The following CRTC3 variants were observed in gnomAD, a reference collection of about 807,000 sequenced individuals.
CRTC3 encodes the protein CREB-regulated transcription coactivator 3.
CRTC3 carries 26 observed loss-of-function variants against 74.5 expected under a neutral mutation model. The ratio of observed to expected loss-of-function variants is 0.35; its 90% confidence interval spans 0.26 to 0.48. CRTC3 has a LOEUF of 0.48. Among genes scored for constraint, CRTC3 ranks in the 20% least tolerant of loss-of-function variants. CRTC3 has a pLI of 0.99. For missense variants in CRTC3, 760 were observed against 787.3 expected (o/e 0.97, Z 0.41); for synonymous variants, 377 against 325.8 (o/e 1.16, Z -1.69).
At chr15:90,570,195 T>A (rs1020267673) in intron 2 of CRTC3, among the ~76,000 whole-genome samples, 7 of 152,180 alleles carry the variant, frequency 4.6e-5, no homozygotes, top group Non-Finnish European at 7.3e-5. Context: ...ACTACTTTTT[T>A]AAAAATGTGG....
At chr15:90,607,334 A>C (rs745401066) in intron 5 of CRTC3, 44 bp from the exon 6 acceptor site, 1 of 1,183,552 alleles carries the variant, frequency 8.4e-7, no homozygotes, top group African/African-American at 1.5e-5. Context: ...CATTTTCACT[A>C]AGGAAAACGG....
At chr15:90,634,466 T>C (rs1241573069) in intron 11 of CRTC3, among the ~76,000 whole-genome samples, 2 of 152,260 alleles carry the variant, frequency 1.3e-5, no homozygotes, top group Admixed American at 6.5e-5. Context: ...TATTTTAATA[T>C]GTATCTCTAA....
chr15:90,570,241 C>G (rs913707588), intron 2 of CRTC3, among the ~76,000 whole-genome samples: 13 of 152,122 alleles, frequency 8.5e-5, no homozygotes, highest in African/African-American at 2.9e-4. Flanking sequence ...AAAACAGAGA[C>G]TCTACTTCTG....
At chr15:90,607,106 C>G (rs1336605114) in intron 5 of CRTC3, among the ~76,000 whole-genome samples, 1 of 152,144 alleles carries the variant, frequency 6.6e-6, no homozygotes, top group African/African-American at 2.4e-5. Context: ...GCCATGAATC[C>G]GAGGCCCACC....
chr15:90,561,178 C>A (rs1324040876), intron 2 of CRTC3, among the ~76,000 whole-genome samples: 3 of 152,138 alleles, frequency 2.0e-5, no homozygotes, highest in African/African-American at 7.2e-5. Context: ...GCATGTAAAT[C>A]CTTAGAATAA....
chr15:90,615,984 C>T (rs1267304312), intron 7 of CRTC3, among the ~76,000 whole-genome samples: 5 of 151,836 alleles, frequency 3.3e-5, no homozygotes, highest in Admixed American at 6.6e-5. Context: ...CTCAGCCTCC[C>T]GAGTAGCTGG....
At chr15:90,587,572 CAT>C (rs761796852) in intron 2 of CRTC3, among the ~76,000 whole-genome samples, 1 of 152,126 alleles carries the variant, frequency 6.6e-6, no homozygotes, top group Admixed American at 6.5e-5. Context: ...CCTTAAAACA[CAT>C]AGAGTCCTAT....
At chr15:90,627,785 C>CTAATTGTTTTTG (rs377289979) in intron 10 of CRTC3, among the ~76,000 whole-genome samples, 23 of 147,816 alleles carry the variant, frequency 1.6e-4, no homozygotes, top group African/African-American at 1.5e-4. Context: ...CCACGCCCGG[C>CTAATTGTTTTTG]TAATTTTTTT....
Position 90,629,644 on chromosome 15 carries a change from C to T in CRTC3, c.1266+112C>T, listed in dbSNP as rs1596142007. Reference sequence around the variant, plus strand: ...TACACTCATTATTACACCAAGCACCCATGAGGTCTCAAGTGCAGTCTGTTC... The same window carrying T: ...TACACTCATTATTACACCAAGCACCTATGAGGTCTCAAGTGCAGTCTGTTC... On this transcript the variant is annotated intron_variant, in intron 11 of 14. Transcript: ENST00000268184. 5 of 1,032,412 alleles carry T rather than the reference C, an allele frequency of 4.8e-6. No homozygotes were observed. In the Admixed American group the frequency reaches 9.0e-5, roughly 19 times the overall value. The allele number at this position is 1,032,412 out of a possible 1,614,324, so 64.0% of individuals were successfully genotyped here.
intron 5 of CRTC3, among the ~76,000 whole-genome samples, chr15:90,604,780 G>A (rs1421463308): frequency 1.3e-5 from 2 of 152,166 alleles, no homozygotes; most frequent in Non-Finnish European, 2.9e-5. Flanking sequence ...TACCTGGGAA[G>A]CATATGTGCT....
chr15:90,626,611 CTTTT>C (rs922457681), intron 10 of CRTC3, among the ~76,000 whole-genome samples: 14 of 133,418 alleles, frequency 1.0e-4, no homozygotes, highest in South Asian at 2.3e-4. Context: ...AAGCCTGACA[CTTTT>C]TTTTTTTTTT....
intron 2 of CRTC3, among the ~76,000 whole-genome samples, chr15:90,552,432 CTG>C (rs1374504608): frequency 6.6e-6 from 1 of 152,228 alleles, no homozygotes; most frequent in African/African-American, 2.4e-5. Context: ...TTCAGAAATT[CTG>C]TCTCTGTTTC....
chr15:90,541,236 A>G (rs1027047610), intron 2 of CRTC3, among the ~76,000 whole-genome samples: 1 of 152,226 alleles, frequency 6.6e-6, no homozygotes, highest in Non-Finnish European at 1.5e-5. Flanking sequence ...TAAAGTTGAG[A>G]TATAAACTTT....
At chr15:90,641,289 A>G (rs1409017313) in intron 14 of CRTC3, 90 bp downstream of exon 14, 1 of 905,312 alleles carries the variant, frequency 1.1e-6, no homozygotes, top group Non-Finnish European at 1.8e-6. Context: ...ACATAATATT[A>G]TATAAAGCAA....
In CRTC3 at chr15:90,530,066, C is replaced by T. The variant is rs1966598314; in HGVS notation, c.-6C>T. On this transcript the variant is annotated 5_prime_UTR_variant, in exon 1 of 15. Coordinates refer to ENST00000268184, the MANE Select transcript of CRTC3 (RefSeq NM_022769.5). This position sits in a 1 kb window ranked among gnomAD's most constrained non-coding sequence, Gnocchi z 6.2. The stretch of plus-strand genomic sequence containing the variant: ...CTCCCGCTTCTGCCCGCGCAGAGTC[C>T]GCGCCATGGCCGCCTCGCCGGGCTC... 10 of 1,422,412 alleles carry T rather than the reference C, an allele frequency of 7.0e-6. No individual in the cohort carries two copies. Among genetic ancestry groups the T allele is most frequent in the African/African-American group, 1.5e-5 (1 of 66,132 alleles). 88.1% of individuals were successfully genotyped at this position (1,422,412 alleles called of 1,614,324 possible). A position where few individuals can be genotyped will look rare whatever the true frequency, so the allele number is the denominator to read the frequency against.
At chr15:90,613,152 C>T (rs1968404748) in intron 6 of CRTC3, among the ~76,000 whole-genome samples, 1 of 147,336 alleles carries the variant, frequency 6.8e-6, no homozygotes, top group African/African-American at 2.5e-5. Flanking sequence ...CACCGCACTC[C>T]AGCCTGGGCA....
intron 6 of CRTC3, among the ~76,000 whole-genome samples, chr15:90,610,969 T>C (rs1292838806): frequency 1.3e-5 from 2 of 152,224 alleles, no homozygotes; most frequent in African/African-American, 4.8e-5. Flanking sequence ...GGGCTTGGCA[T>C]GCCTTGGACC....
chr15:90,594,682 T>C (rs1967878729), intron 3 of CRTC3: 1 of 152,238 alleles, frequency 6.6e-6, no homozygotes, highest in African/African-American at 2.4e-5. Context: ...GGGTAATTTA[T>C]GTGTCACTTA....
intron 1 of CRTC3, 54 bp from the exon 2 acceptor site, chr15:90,539,985 T>A (rs1966777304): frequency 8.5e-7 from 1 of 1,181,436 alleles, no homozygotes; most frequent in South Asian, 1.3e-5. Context: ...ACTTTGATGC[T>A]TCTTTAGATC....
Sources: allele counts gnomAD v4.1 joint callset (sites outside exome capture counted in the v4.1 genomes callset), GRCh38; gene constraint gnomAD v4.1.1; non-coding constraint Gnocchi (gnomAD v3.1); transcripts MANE v1.5; gene names NCBI Gene and HGNC (gene_info 2026-07-23, HGNC 2026-07-21).